The following ASCC1 variants were observed in gnomAD, a reference collection of about 807,000 sequenced individuals.
ASCC1 encodes the protein ASC-1 complex subunit P50.
ASCC1 carries 35 observed loss-of-function variants against 46.6 expected under a neutral mutation model. The ratio of observed to expected loss-of-function variants is 0.75; its 90% CI spans 0.57 to 0.99. The LOEUF is 0.99. Among genes scored for constraint, ASCC1 ranks in the 50% least tolerant of loss-of-function variants. The pLI, the probability that ASCC1 is intolerant of heterozygous loss-of-function variation, is 0.00. For synonymous variants in ASCC1, 143 were observed against 146.6 expected, an observed-to-expected ratio of 0.98 and a Z score of 0.18; for missense variants, 376 against 428.7, an observed-to-expected ratio of 0.88 and a Z score of 1.09.
At chr10:72,102,075 C>T (rs1454610623) in intron 9 of ASCC1, among the ~76,000 whole-genome samples, 1 of 152,068 alleles carries the variant, frequency 6.6e-6, no homozygotes, top group Non-Finnish European at 1.5e-5. Flanking sequence ...ATCTGTGCAA[C>T]AAACCCCCGT....
chr10:72,105,686 C>T (rs1391765908), intron 9 of ASCC1, among the ~76,000 whole-genome samples: 2 of 152,140 alleles, frequency 1.3e-5, no homozygotes, highest in African/African-American at 4.8e-5. Context: ...TCAGTTTGTA[C>T]ATGTTTCTTT....
chr10:72,102,836 A>G, intron 9 of ASCC1: 1 of 353,582 alleles, frequency 2.8e-6, no homozygotes, highest in Non-Finnish European at 5.5e-6. Flanking sequence ...TTAGCCAGGC[A>G]TGGTGGCGGT....
chr10:72,210,919 T>C, intron 2 of ASCC1, 88 bp from the exon 3 acceptor site: 1 of 1,257,008 alleles, frequency 8.0e-7, no homozygotes, highest in Non-Finnish European at 1.1e-6. Flanking sequence ...CTGTTGAGGT[T>C]TAAAAAAAGC....
At chr10:72,132,799 A>G (rs1242061109) in intron 8 of ASCC1, among the ~76,000 whole-genome samples, 1 of 151,790 alleles carries the variant, frequency 6.6e-6, no homozygotes, top group Admixed American at 6.6e-5. Flanking sequence ...CACTGTTTAT[A>G]TAAAATTTAC....
intron 3 of ASCC1, among the ~76,000 whole-genome samples, chr10:72,207,296 C>G (rs1425631897): frequency 6.6e-6 from 1 of 152,096 alleles, no homozygotes; most frequent in Admixed American, 6.6e-5. Context: ...TGCCTGTAGT[C>G]CCAGCTACTC....
chr10:72,161,514 C>T, intron 6 of ASCC1, 24 bp downstream of exon 6: 2 of 1,614,072 alleles, frequency 1.2e-6, no homozygotes, highest in Non-Finnish European at 8.5e-7. Context: ...GACCACCCAA[C>T]CCCCATCCCT....
intron 3 of ASCC1, 114 bp downstream of exon 3, chr10:72,210,618 C>T (rs1046557557): frequency 1.6e-5 from 13 of 801,962 alleles, no homozygotes; most frequent in African/African-American, 1.2e-4. Context: ...TAACACTACA[C>T]TATTTTATCA....
chr10:72,107,768 G>C (rs1202974430), intron 9 of ASCC1, among the ~76,000 whole-genome samples: 1 of 152,184 alleles, frequency 6.6e-6, no homozygotes, highest in Admixed American at 6.5e-5. Flanking sequence ...CAAAATCTAA[G>C]CTGTTGGAAT....
chr10:72,142,997 T>C (rs557878690), intron 7 of ASCC1, among the ~76,000 whole-genome samples: 27 of 151,694 alleles, frequency 1.8e-4, no homozygotes, highest in African/African-American at 5.8e-4. Flanking sequence ...CCATCTCTAC[T>C]AAAAATACGA....
intron 7 of ASCC1, among the ~76,000 whole-genome samples, chr10:72,142,729 T>C (rs984028912): frequency 2.0e-5 from 3 of 152,138 alleles, no homozygotes; most frequent in African/African-American, 7.2e-5. Context: ...AGGCCTTCTT[T>C]GCTTCTCAGC....
chr10:72,201,572 G>C (rs1212799208), intron 4 of ASCC1, among the ~76,000 whole-genome samples: 2 of 151,862 alleles, frequency 1.3e-5, no homozygotes, highest in African/African-American at 2.4e-5. Flanking sequence ...TGTAGTCCCA[G>C]CTACTTGGAA....
chr10:72,205,933 A>G (rs1857142654), intron 3 of ASCC1, among the ~76,000 whole-genome samples: 1 of 151,848 alleles, frequency 6.6e-6, no homozygotes, highest in Non-Finnish European at 1.5e-5. Context: ...GTGAAACACC[A>G]TCTCTACTAA....
chr10:72,169,761 A>G (rs933669543), intron 5 of ASCC1, among the ~76,000 whole-genome samples: 2 of 152,334 alleles, frequency 1.3e-5, no homozygotes, highest in African/African-American at 4.8e-5. Flanking sequence ...AAAGTAAACT[A>G]AAAATAAACC....
At chr10:72,181,779 G>A (rs1440845507) in intron 5 of ASCC1, among the ~76,000 whole-genome samples, 5 of 151,688 alleles carry the variant, frequency 3.3e-5, no homozygotes, top group Admixed American at 1.3e-4. Context: ...TTCACCTCCC[G>A]GGTTCAAGCG....
chr10:72,204,486 A>G, intron 3 of ASCC1: 1 of 1,507,236 alleles, frequency 6.6e-7, no homozygotes, highest in Non-Finnish European at 9.0e-7. Context: ...CAGTCGTTTG[A>G]TGTGTTCAAG....
At chr10:72,211,058 C>G (rs1361768963) in intron 2 of ASCC1, among the ~76,000 whole-genome samples, 2 of 152,180 alleles carry the variant, frequency 1.3e-5, no homozygotes, top group South Asian at 4.1e-4. Context: ...ATCTTTCAGT[C>G]TTGGAACCCT....
Position 72,096,491 on chromosome 10 carries a change from T to C in ASCC1, c.*843A>G, listed in dbSNP as rs1841108339. On this transcript the variant is annotated 3_prime_UTR_variant, in exon 10 of 10. Coordinates refer to ENST00000672957, the MANE Select transcript of ASCC1 (RefSeq NM_001198800.3). ...TCCAACAAATATTAAGAGGACAAAC[T>C]TTGGTAGGAAAATGATAGACCAAGC... 1 of 454,046 alleles carries C rather than the reference T, an allele frequency of 2.2e-6. No homozygotes were observed. The highest frequency in any genetic ancestry group is 6.9e-5 in the East Asian group (1 of 14,392). The allele number at this position is 454,046 out of a possible 1,614,324, so 28.1% of individuals were successfully genotyped here.
intron 2 of ASCC1, among the ~76,000 whole-genome samples, chr10:72,212,780 G>A (rs764349866): frequency 2.0e-5 from 3 of 152,004 alleles, no homozygotes; most frequent in Non-Finnish European, 4.4e-5. Flanking sequence ...CCTGGGAGGC[G>A]GAGGCTGCAG....
chr10:72,187,447 G>A (rs1313000228), intron 5 of ASCC1, among the ~76,000 whole-genome samples: 5 of 149,520 alleles, frequency 3.3e-5, no homozygotes, highest in South Asian at 2.1e-4. Context: ...TAGGCCGGGC[G>A]CGGTGGCTCA....
Sources: allele counts gnomAD v4.1 joint callset (sites outside exome capture counted in the v4.1 genomes callset), GRCh38; gene constraint gnomAD v4.1.1; transcripts MANE v1.5; gene names NCBI Gene and HGNC (gene_info 2026-07-23, HGNC 2026-07-21).